The following HSP90AA1 variants were observed in gnomAD, a reference collection of about 807,000 sequenced individuals.
HSP90AA1 encodes heat shock protein HSP 90-alpha.
Under a neutral mutation model 73.3 loss-of-function variants are expected in HSP90AA1, and 18 were observed. The ratio of observed to expected loss-of-function variants is 0.25; its 90% confidence interval spans 0.17 to 0.36. The LOEUF is 0.36. HSP90AA1 is among the 10% of genes least tolerant of loss of function. The pLI is 1.00. For synonymous variants in HSP90AA1, 477 were observed against 296.9 expected (o/e 1.61, Z -6.24); for missense variants, 704 against 874.2 (o/e 0.81, Z 2.45).
chr14:102,089,535 A>G (rs923791929), upstream of HSP90AA1, among the ~76,000 whole-genome samples: 3 of 152,068 alleles, frequency 2.0e-5, no homozygotes, highest in African/African-American at 7.2e-5. Flanking sequence ...TCTCAGACTC[A>G]TGCCCCTCTC....
Position 102,083,282 on chromosome 14 carries a change from C to T in HSP90AA1, c.1507G>A (p.Ala503Thr). ...AGACGTTCCACAAAGGCTGAGTTAG[C>T]TACCTGGTCCTTGGTCTCACCTGAG... ...YITGETKDQV[A>T]NSAFVERLRK... is the part of the protein sequence containing the mutation. The change falls in exon 9 of 11, where the codon GCT becomes ACT. Residue 503 changes from alanine to threonine, a missense_variant. By Grantham distance (58) the Ala-to-Thr change is moderately conservative. Transcript: ENST00000216281. 1 of 1,614,180 alleles carries T rather than the reference C, an allele frequency of 6.2e-7. No individual in the cohort carries two copies. The highest frequency in any genetic ancestry group is 1.7e-5 in the Admixed American group (1 of 60,020).
At chr14:102,122,840 G>A (rs1303993810) in intron 1 of HSP90AA1, among the ~76,000 whole-genome samples, 1 of 150,570 alleles carries the variant, frequency 6.6e-6, no homozygotes, top group Non-Finnish European at 1.5e-5. Flanking sequence ...GCTGATTTTT[G>A]TATTTTTAGT....
intron 1 of HSP90AA1, among the ~76,000 whole-genome samples, chr14:102,102,525 T>A (rs1036277508): frequency 6.6e-6 from 1 of 152,092 alleles, no homozygotes; most frequent in Non-Finnish European, 1.5e-5. Context: ...AAGGGGAAAA[T>A]TGAATCCAGG....
At chr14:102,097,487 TCTCCCCTCCACTGCTG>T (rs2049440330) in intron 2 of HSP90AA1, among the ~76,000 whole-genome samples, 1 of 152,036 alleles carries the variant, frequency 6.6e-6, no homozygotes, top group Non-Finnish European at 1.5e-5. Context: ...GCAGGCTGGC[TCTCCCCTCCACTGCTG>T]CTCCTGTTCT....
intron 1 of HSP90AA1, 29 bp from the exon 2 acceptor site, chr14:102,086,407 CT>C: frequency 1.2e-6 from 2 of 1,613,948 alleles, no homozygotes; most frequent in Non-Finnish European, 1.7e-6. Context: ...GGTTTAAAAC[CT>C]TGCAGGACGT....
At chr14:102,095,913 C>T (rs2049418254) in intron 2 of HSP90AA1, among the ~76,000 whole-genome samples, 1 of 152,172 alleles carries the variant, frequency 6.6e-6, no homozygotes, top group African/African-American at 2.4e-5. Flanking sequence ...GTGCAGAAAA[C>T]CCCTGGGCTC....
intron 1 of HSP90AA1, among the ~76,000 whole-genome samples, chr14:102,129,163 G>A (rs1451863086): frequency 3.0e-4 from 40 of 132,778 alleles, no homozygotes; most frequent in Middle Eastern, 4.8e-3. Context: ...TTGAGACGGA[G>A]TCTCACTCTG....
Position 102,084,800 on chromosome 14 carries a change from C to T in HSP90AA1, c.862G>A (p.Glu288Lys), listed in dbSNP as rs1477210151. The change falls in exon 5 of 11, where the codon GAA (glutamate) becomes AAA (lysine). Residue 288 changes from glutamate to lysine, a missense_variant. Physicochemically the swap from Glu to Lys is moderately conservative, Grantham distance 56. Transcript: ENST00000216281. ...KKIKEKYIDQ[E>K]ELNKTKPIWT... ...ATGGGCTTTGTTTTGTTGAGCTCTT[C>T]TTGATCGATGTACTTTTCCTTAATC... The T allele has an allele frequency of 6.2e-7, 1 of 1,613,766 alleles. No homozygotes were observed.
chr14:102,081,984 A>G, intron 10 of HSP90AA1, 127 bp downstream of exon 10: 1 of 792,510 alleles, frequency 1.3e-6, no homozygotes, highest in South Asian at 1.5e-5. Context: ...TAAAAAAAAC[A>G]TACTTTAATA....
chr14:102,133,217 T>C (rs1007831467), intron 1 of HSP90AA1, among the ~76,000 whole-genome samples: 3 of 151,240 alleles, frequency 2.0e-5, no homozygotes, highest in Admixed American at 6.6e-5. Context: ...GAGGTGGAGG[T>C]TGCAGTGAGC....
intron 1 of HSP90AA1, among the ~76,000 whole-genome samples, chr14:102,130,381 A>G (rs904085966): frequency 1.3e-5 from 2 of 152,146 alleles, no homozygotes; most frequent in African/African-American, 4.8e-5. Context: ...CATATTGGCT[A>G]TATTACTTTT....
At position 102,083,564 on chromosome 14, in the gene HSP90AA1, G is replaced by A. The variant is rs750751129; in HGVS notation, c.1468C>T (p.His490Tyr). 2.5e-6 allele frequency: 4 copies of A among 1,613,722 alleles called. No individual in the cohort carries two copies. Among genetic ancestry groups the A allele is most frequent in the East Asian group, 2.2e-5 (1 of 44,872 alleles). The change falls in exon 8 of 11, where the codon CAT (histidine) becomes TAT (tyrosine). Residue 490 changes from histidine to tyrosine, a missense_variant. By Grantham distance (83) the His-to-Tyr change is moderately conservative. Coordinates refer to ENST00000216281, the MANE Select transcript of HSP90AA1 (RefSeq NM_005348.4). The part of the protein sequence containing the change: ...YCTRMKENQK[H>Y]IYYITGETKD... ...CTCTTACCTGTGATATAATAGATAT[G>A]TTTCTGGTTCTCCTTCATTCTGGTG... is the stretch of plus-strand genomic sequence containing the variant.
chr14:102,101,377 T>A (rs1023873190), intron 2 of HSP90AA1, among the ~76,000 whole-genome samples: 1 of 152,170 alleles, frequency 6.6e-6, no homozygotes, highest in Non-Finnish European at 1.5e-5. Flanking sequence ...CTCCTCAGCA[T>A]AGCCTGCCCA....
At chr14:102,133,278 C>T (rs1240453868) in intron 1 of HSP90AA1, among the ~76,000 whole-genome samples, 1 of 151,966 alleles carries the variant, frequency 6.6e-6, no homozygotes, top group East Asian at 1.9e-4. Flanking sequence ...AAAACTCCAT[C>T]ACAAAACAAA....
intron 1 of HSP90AA1, among the ~76,000 whole-genome samples, chr14:102,103,180 C>CAAAAAAA (rs898771022): frequency 5.4e-5 from 2 of 37,198 alleles, no homozygotes; most frequent in South Asian, 1.4e-3. Context: ...GACTCAGTCT[C>CAAAAAAA]AAAAAAAAAA....
chr14:102,081,470 C>T lies in HSP90AA1; in HGVS notation c.*242G>A, dbSNP rs979242729. The stretch of plus-strand genomic sequence containing the variant: ...ATCATGTTACATACGTCTTACAGTG[C>T]ACGTTACCCCAATCTGTGAAAATAA... On this transcript the variant is annotated 3_prime_UTR_variant, in exon 11 of 11. Coordinates refer to ENST00000216281, the MANE Select transcript of HSP90AA1 (RefSeq NM_005348.4). 3 of 574,080 alleles carry T rather than the reference C, an allele frequency of 5.2e-6. No homozygotes were observed. The highest frequency in any genetic ancestry group is 5.8e-5 in the East Asian group (2 of 34,338). The allele number at this position is 574,080 out of a possible 1,614,324, so 35.6% of individuals were successfully genotyped here.
chr14:102,102,810 T>TGC (rs1448487391), intron 1 of HSP90AA1, among the ~76,000 whole-genome samples: 2 of 150,994 alleles, frequency 1.3e-5, no homozygotes, highest in Non-Finnish European at 2.9e-5. Flanking sequence ...CCAAGGGGAG[T>TGC]GCATTGCTTA....
upstream of HSP90AA1, among the ~76,000 whole-genome samples, chr14:102,087,543 G>A (rs927724102): frequency 6.6e-6 from 1 of 152,112 alleles, no homozygotes; most frequent in Non-Finnish European, 1.5e-5. Flanking sequence ...CACGCGCCCG[G>A]GAGACTTCCG....
intron 1 of HSP90AA1, among the ~76,000 whole-genome samples, chr14:102,129,259 CGAGATTACTACA>C (rs1294554822): frequency 1.3e-5 from 2 of 151,690 alleles, no homozygotes; most frequent in African/African-American, 4.8e-5. Context: ...GTCAGCCTCC[CGAGATTACTACA>C]GGGGATTACT....
Sources: allele counts gnomAD v4.1 joint callset (sites outside exome capture counted in the v4.1 genomes callset), GRCh38; gene constraint gnomAD v4.1.1; transcripts MANE v1.5; gene names NCBI Gene and HGNC (gene_info 2026-07-23, HGNC 2026-07-21).